DPP10: variants seen among roughly 807,000 people sequenced by gnomAD.
The protein encoded by DPP10 is dipeptidyl peptidase like 10.
Under a neutral mutation model 120.9 loss-of-function variants are expected in DPP10, and 33 were observed. The observed-to-expected ratio is 0.27, with a 90% CI of 0.21 to 0.37. The LOEUF is 0.37. DPP10 is among the 10% of genes least tolerant of loss of function. The probability of loss-of-function intolerance (pLI) is 1.00; values close to 1 mark genes in which losing one functional copy is unlikely to be tolerated. For synonymous variants in DPP10, 337 were observed against 326.1 expected (o/e 1.03, Z -0.36); for missense variants, 816 against 942.8 (o/e 0.87, Z 1.76).
intron 1 of DPP10, among the ~76,000 whole-genome samples, chr2:114,577,598 G>A (rs530292711): frequency 1.3e-5 from 2 of 152,132 alleles, no homozygotes; most frequent in South Asian, 4.2e-4. Flanking sequence ...TTTTTTTAAA[G>A]TAACAGGCAT....
At chr2:115,832,299 G>C (rs1215907869) in intron 21 of DPP10, among the ~76,000 whole-genome samples, 2 of 152,132 alleles carry the variant, frequency 1.3e-5, no homozygotes, top group Non-Finnish European at 2.9e-5. Context: ...GACCAGCCTG[G>C]GCAGCCATGG....
intron 1 of DPP10, among the ~76,000 whole-genome samples, chr2:114,736,065 A>T (rs1418219713): frequency 2.0e-5 from 3 of 151,728 alleles, no homozygotes; most frequent in South Asian, 2.1e-4. Context: ...GTTTCTGTGT[A>T]GGGGGAGGAT....
chr2:115,793,293 G>A (rs1684192578), intron 19 of DPP10, among the ~76,000 whole-genome samples: 1 of 151,978 alleles, frequency 6.6e-6, no homozygotes, highest in African/African-American at 2.4e-5. Flanking sequence ...ATCTTCTGTT[G>A]CCTTATAAAT....
At chr2:115,465,800 T>A (rs2074292409) in intron 3 of DPP10, among the ~76,000 whole-genome samples, 1 of 151,670 alleles carries the variant, frequency 6.6e-6, no homozygotes, top group South Asian at 2.1e-4. Context: ...CCAGCCTGGG[T>A]GACAGAGTGA....
intron 3 of DPP10, among the ~76,000 whole-genome samples, chr2:115,372,338 C>G (rs2065470456): frequency 6.6e-6 from 1 of 151,986 alleles, no homozygotes; most frequent in South Asian, 2.1e-4. Context: ...GTCTGTTTGG[C>G]TATTTCTTTG....
chr2:114,571,245 T>C lies in DPP10; in HGVS notation c.60+128407T>C, dbSNP rs538416612. On this transcript the variant is annotated intron_variant, in intron 1 of 25. Transcript: ENST00000410059. ...CACCATCCTCCTAGTGCTGTTCTCC[T>C]GAGAGTGAGTGAATGAGTGAGTTAT... is the stretch of plus-strand genomic sequence containing the variant. Among the ~76,000 whole-genome samples, 97 of 152,254 alleles carry C rather than the reference T, an allele frequency of 6.4e-4. 3 individuals carry two copies. The South Asian group carries it at 0.02, about 31-fold the overall frequency.
intron 1 of DPP10, among the ~76,000 whole-genome samples, chr2:115,019,853 C>T (rs1438987022): frequency 2.0e-5 from 3 of 152,222 alleles, no homozygotes; most frequent in Non-Finnish European, 4.4e-5. Context: ...GGACCTGGGT[C>T]CTATCTTTAG....
chr2:115,053,287 A>G (rs577115211), intron 1 of DPP10, among the ~76,000 whole-genome samples: 2 of 152,238 alleles, frequency 1.3e-5, no homozygotes, highest in Non-Finnish European at 2.9e-5. Context: ...TTCAGCCACA[A>G]AAAGCAACAC....
At chr2:115,638,931 G>A (rs756539771) in intron 5 of DPP10, among the ~76,000 whole-genome samples, 1 of 152,166 alleles carries the variant, frequency 6.6e-6, no homozygotes, top group Non-Finnish European at 1.5e-5. Context: ...TTCCTGAAGC[G>A]CTGACTCAGG....
intron 11 of DPP10, among the ~76,000 whole-genome samples, chr2:115,756,834 G>A (rs879489500): frequency 6.6e-6 from 1 of 152,028 alleles, no homozygotes; most frequent in African/African-American, 2.4e-5. Context: ...CATCTGGTGA[G>A]GGACTTCTTG....
chr2:115,672,338 A>G (rs1240247092), intron 5 of DPP10, among the ~76,000 whole-genome samples: 1 of 151,762 alleles, frequency 6.6e-6, no homozygotes, highest in Admixed American at 6.5e-5. Flanking sequence ...TTTTTTTCCT[A>G]TGACCTAATC....
chr2:114,792,990 T>TTGTGTGTG lies in DPP10; in HGVS notation c.60+350186_60+350193dup, dbSNP rs55780807. ...GTGGACCACCAAGGCAACTGTATTA[T>TTGTGTGTG]TGTGTGTGTGTGTGTGTGTGTGTGT... is the stretch of plus-strand genomic sequence containing the variant. On this transcript the variant is annotated intron_variant, in intron 1 of 25. Transcript: ENST00000410059. Among the ~76,000 whole-genome samples, 1,222 of 143,706 alleles carry TTGTGTGTG rather than the reference T, an allele frequency of 8.5e-3. 19 individuals are homozygous for TTGTGTGTG. Among genetic ancestry groups the TTGTGTGTG allele is most frequent in the African/African-American group, 0.03 (1,161 of 38,162 alleles). The allele number at this position is 143,706 out of a possible 152,430, so 94.3% of individuals were successfully genotyped here. A position where few individuals can be genotyped will look rare whatever the true frequency, so the allele number is the denominator to read the frequency against.
chr2:115,354,756 T>C (rs1459997943), intron 3 of DPP10, among the ~76,000 whole-genome samples: 1 of 151,916 alleles, frequency 6.6e-6, no homozygotes, highest in Non-Finnish European at 1.5e-5. Context: ...TGTGTCCATA[T>C]GTTCTCATTG....
chr2:114,982,057 G>A (rs1700122700), intron 1 of DPP10, among the ~76,000 whole-genome samples: 1 of 151,716 alleles, frequency 6.6e-6, no homozygotes. Flanking sequence ...ACCATGCCCA[G>A]CTAATTTTTG....
rs903209851 is a variant in DPP10 at position 114,839,382 on chromosome 2, A to G, written c.60+396544A>G. On this transcript the variant is annotated intron_variant, in intron 1 of 25. Transcript: ENST00000410059. ...TTTCATTCAGCTAAACACATATAAT[A>G]AGGAAGACTATTTCCAGGAGCTACT... Among the ~76,000 whole-genome samples the G allele has an allele frequency of 2.6e-5, 4 of 152,232 alleles. No individual in the cohort carries two copies. The South Asian group carries it at 8.3e-4, about 31-fold the overall frequency.
At chr2:114,741,308 T>C (rs1678039142) in intron 1 of DPP10, among the ~76,000 whole-genome samples, 1 of 152,178 alleles carries the variant, frequency 6.6e-6, no homozygotes, top group Non-Finnish European at 1.5e-5. Context: ...CTTTCCACTA[T>C]TATTCTTGCA....
chr2:115,493,596 A>C (rs1014239146), intron 3 of DPP10, among the ~76,000 whole-genome samples: 1 of 152,222 alleles, frequency 6.6e-6, no homozygotes. Flanking sequence ...GCATATAGAA[A>C]AATTTGAAGA....
chr2:115,007,222 C>T (rs1385642216), intron 1 of DPP10, among the ~76,000 whole-genome samples: 1 of 152,092 alleles, frequency 6.6e-6, no homozygotes, highest in Non-Finnish European at 1.5e-5. Context: ...AAAGCTTATC[C>T]ACCATGATCA....
intron 1 of DPP10, among the ~76,000 whole-genome samples, chr2:114,557,856 C>T (rs1479334580): frequency 3.3e-5 from 5 of 152,196 alleles, no homozygotes; most frequent in African/African-American, 1.2e-4. Context: ...TGATCCTTAT[C>T]TCAGAGCCAA....
Sources: gnomAD v4.1 joint callset for allele counts (sites outside exome capture counted in the v4.1 genomes callset) on GRCh38, gnomAD v4.1.1 for gene constraint, MANE v1.5 for transcripts, NCBI Gene and HGNC (gene_info 2026-07-23, HGNC 2026-07-21) for gene names.